CIITA: variants seen among roughly 807,000 people sequenced by gnomAD.
CIITA encodes the protein MHC class II transactivator.
CIITA carries 72 observed loss-of-function variants against 115.1 expected under a neutral mutation model. That is an observed-to-expected ratio of 0.63 (90% confidence interval 0.52 to 0.76). The LOEUF is 0.76. Ranked by LOEUF, CIITA falls within the 30% of genes least tolerant of loss-of-function variation. The pLI is 0.00. For synonymous variants in CIITA, 763 were observed against 635.6 expected, an observed-to-expected ratio of 1.20 and a Z score of -3.02; for missense variants, 1,617 against 1,463.8, an observed-to-expected ratio of 1.10 and a Z score of -1.71.
chr16:10,941,508 T>G lies in CIITA; in HGVS notation n.634T>G. The G allele has an allele frequency of 7.3e-7, 1 of 1,372,650 alleles. No individual in the cohort carries two copies. The highest frequency in any genetic ancestry group is 9.4e-7 in the Non-Finnish European group (1 of 1,058,626). 85.0% of individuals were successfully genotyped at this position (1,372,650 alleles called of 1,614,324 possible). A position where few individuals can be genotyped will look rare whatever the true frequency, so the allele number is the denominator to read the frequency against. On this transcript the variant is annotated non_coding_transcript_exon_variant, in exon 2 of 2. Transcript: ENST00000573379. This position sits in a 1 kb window ranked among gnomAD's most constrained non-coding sequence, Gnocchi z 6.4. ...AGGGGTGTGTATCCGGCCTGGGAATTCCTCCCTCTCCCTTGCTAGCGCCCC... is the reference window on the plus strand; with the variant it reads ...AGGGGTGTGTATCCGGCCTGGGAATGCCTCCCTCTCCCTTGCTAGCGCCCC...
rs1457837968 is a variant in CIITA at position 10,879,646 on chromosome 16, G to T, written c.52+2264G>T. On this transcript the variant is annotated intron_variant, in intron 1 of 19. Coordinates refer to ENST00000324288, the MANE Select transcript of CIITA (RefSeq NM_000246.4). This position sits in a 1 kb window ranked among gnomAD's most constrained non-coding sequence, Gnocchi z 4.3. ...GTGTTGTTGGGAGGGGTGGGGGAGG[G>T]ATCCCCCCGGACTGAACCGATCTCT... Among the ~76,000 whole-genome samples, 1 of 151,718 alleles carries T rather than the reference G, an allele frequency of 6.6e-6. No homozygotes were observed. Among genetic ancestry groups the T allele is most frequent in the African/African-American group, 2.4e-5 (1 of 41,348 alleles).
In CIITA at chr16:10,906,864, C is replaced by A; in HGVS notation, c.1372C>A (p.Arg458Ser). The change falls in exon 11 of 20, where the codon CGT becomes AGT. Residue 458 changes from arginine to serine, a missense_variant. Transcript: ENST00000324288. ...CTCTGTCCCCTGCCATTGCTTGAACCGTCCGGGGGATGCCTATGGCCTGCA... is the reference window on the plus strand; with the variant it reads ...CTCTGTCCCCTGCCATTGCTTGAACAGTCCGGGGGATGCCTATGGCCTGCA... The part of the protein sequence containing the change: ...VFSVPCHCLN[R>S]PGDAYGLQDL... The A allele has an allele frequency of 6.2e-7, 1 of 1,613,510 alleles. No homozygotes were observed. Among genetic ancestry groups the A allele is most frequent in the Non-Finnish European group, 8.5e-7 (1 of 1,180,038 alleles).
chr16:10,875,948 C>A (rs913479846), upstream of CIITA, among the ~76,000 whole-genome samples: 3 of 151,682 alleles, frequency 2.0e-5, no homozygotes, highest in Admixed American at 6.6e-5. Context: ...CCAGCCTGGG[C>A]GAAAGAGCGC....
rs770158073 is a variant in CIITA, at chr16:10,922,162, G to A, written c.3150-5G>A. 4.0e-5 allele frequency: 65 copies of A among 1,613,994 alleles called. No individual in the cohort carries two copies. Among genetic ancestry groups the A allele is most frequent in the African/African-American group, 9.3e-5 (7 of 74,930 alleles). ...ATCCCTCCCCCTGGCCTCTGTTTCC[G>A]ACAGCTTGTACAATAACTGCATCTG... On this transcript the variant is annotated splice_region_variant and splice_polypyrimidine_tract_variant and intron_variant, in intron 16 of 19. Transcript: ENST00000324288.
intron 16 of CIITA, 44 bp downstream of exon 16, chr16:10,918,570 C>G: frequency 6.4e-7 from 1 of 1,561,300 alleles, no homozygotes; most frequent in East Asian, 2.2e-5. Context: ...AGCTGGGGGG[C>G]TGCAGAGCGC....
intron 1 of CIITA, among the ~76,000 whole-genome samples, chr16:10,894,009 G>T (rs1296931278): frequency 6.6e-6 from 1 of 151,442 alleles, no homozygotes; most frequent in Non-Finnish European, 1.5e-5. Flanking sequence ...CCACTAATAT[G>T]CTTTCTTTCT....
intron 1 of CIITA, among the ~76,000 whole-genome samples, chr16:10,880,410 T>C (rs1440642974): frequency 1.3e-5 from 2 of 152,230 alleles, no homozygotes; most frequent in Non-Finnish European, 2.9e-5. Flanking sequence ...GAGGCGCTGA[T>C]GTGGTCTCAT....
At chr16:10,908,453 A>G in intron 11 of CIITA, 1 of 504,308 alleles carries the variant, frequency 2.0e-6, no homozygotes, top group Non-Finnish European at 3.6e-6. Flanking sequence ...TATTCTTTCC[A>G]CCCCCTGAGC....
rs377330491 is a variant in CIITA, at chr16:10,883,632, T to C, written c.52+6250T>C. 2.0e-5 allele frequency among the ~76,000 whole-genome samples: 3 copies of C among 152,282 alleles called. No homozygotes were observed. The East Asian group carries it at 5.8e-4, about 29-fold the overall frequency. Reference sequence around the variant, plus strand: ...CTGTGGTGTCTTTTGTGGGGTCCTGTAGGATTTCCACGTCCCTCTTGGAGG... The same window carrying C: ...CTGTGGTGTCTTTTGTGGGGTCCTGCAGGATTTCCACGTCCCTCTTGGAGG... On this transcript the variant is annotated intron_variant, in intron 1 of 19. Coordinates refer to ENST00000324288, the MANE Select transcript of CIITA (RefSeq NM_000246.4).
At chr16:10,909,286 G>A in intron 12 of CIITA, 99 bp downstream of exon 12, 2 of 1,276,154 alleles carry the variant, frequency 1.6e-6, no homozygotes, top group Non-Finnish European at 1.1e-6. Context: ...AGTGCCCCCT[G>A]TCCTCTGGGA....
In CIITA at chr16:10,909,069, C is replaced by G; in HGVS notation, c.2698C>G (p.Gln900Glu). The change falls in exon 12 of 20, where the codon CAG becomes GAG. Residue 900 changes from glutamine to glutamate, a missense_variant. Physicochemically the swap from Gln to Glu is conservative, Grantham distance 29 (BLOSUM62 2). Transcript: ENST00000324288. ...SDTVALWESL[Q>E]QHGETKLLQA... ...CACGGTGGCGCTGTGGGAGTCCCTGCAGCAGCATGGGGAGACCAAGCTACT... is the reference window on the plus strand; with the variant it reads ...CACGGTGGCGCTGTGGGAGTCCCTGGAGCAGCATGGGGAGACCAAGCTACT... 6.2e-7 allele frequency: 1 copy of G among 1,614,124 alleles called. No individual in the cohort carries two copies. The highest frequency in any genetic ancestry group is 8.5e-7 in the Non-Finnish European group (1 of 1,179,982).
Position 10,928,414 on chromosome 16 carries a change from G to C in CIITA, c.*4559G>C, listed in dbSNP as rs186691211. The C allele has an allele frequency of 1.3e-5, 2 of 152,296 alleles. No individual in the cohort carries two copies. Among genetic ancestry groups the C allele is most frequent in the African/African-American group, 4.8e-5 (2 of 41,436 alleles). The allele number at this position is 152,296 out of a possible 1,614,324, so 9.4% of individuals were successfully genotyped here. On this transcript the variant is annotated 3_prime_UTR_variant, in exon 20 of 20. Coordinates refer to ENST00000324288, the MANE Select transcript of CIITA (RefSeq NM_000246.4). The stretch of plus-strand genomic sequence containing the variant: ...AGCAATTCTCCTGCCTCAGCCTCCC[G>C]AGTAGCTGGGACTATAAGTGTGCGC...
intron 1 of CIITA, among the ~76,000 whole-genome samples, chr16:10,887,452 A>G (rs1248255595): frequency 1.3e-5 from 2 of 151,894 alleles, no homozygotes; most frequent in Admixed American, 1.3e-4. Context: ...ATTCCTCAGG[A>G]GGAGAAGTTC....
In CIITA at chr16:10,917,481, A is replaced by ATTT. The variant is rs36011152; in HGVS notation, c.3063-943_3063-941dup. On this transcript the variant is annotated intron_variant, in intron 15 of 19. Transcript: ENST00000324288. ...GAGTCACTGTGCCTGGTTCAATGGG[A>ATTT]TTTTTTTTTTTTTTTTTTGACACGG... Among the ~76,000 whole-genome samples the ATTT allele has an allele frequency of 4.5e-3, 597 of 132,814 alleles. 8 individuals are homozygous for ATTT. Among genetic ancestry groups the ATTT allele is most frequent in the East Asian group, 0.017 (76 of 4,360 alleles). 87.1% of individuals were successfully genotyped at this position (132,814 alleles called of 152,430 possible).
rs547200985 is a variant in CIITA at position 10,934,494 on chromosome 16, A to AT, written c.*10641dup. 39 of 152,352 alleles carry AT rather than the reference A, an allele frequency of 2.6e-4. No individual in the cohort carries two copies. The highest frequency in any genetic ancestry group is 8.2e-4 in the African/African-American group (34 of 41,556). 9.4% of individuals were successfully genotyped at this position (152,352 alleles called of 1,614,324 possible). ...GAGCTGATCTGATCCGCTGCTGCGT[A>AT]TTCACTACCGCCCTGGGACGCCTCC... On this transcript the variant is annotated 3_prime_UTR_variant, in exon 20 of 20. Coordinates refer to ENST00000324288, the MANE Select transcript of CIITA (RefSeq NM_000246.4). This position sits in a 1 kb window ranked among gnomAD's most constrained non-coding sequence, Gnocchi z 4.2.
At chr16:10,908,823 A>C in intron 11 of CIITA, 1 of 703,160 alleles carries the variant, frequency 1.4e-6, no homozygotes, top group Non-Finnish European at 2.4e-6. Context: ...AGCCGAAGCA[A>C]AAAGGGAAAG....
chr16:10,916,875 A>C (rs745856580), intron 15 of CIITA: 3 of 374,370 alleles, frequency 8.0e-6, no homozygotes, highest in Non-Finnish European at 1.5e-5. Context: ...AGGACCTACT[A>C]TGTGCAGGCA....
Position 10,901,350 on chromosome 16 carries a change from C to T in CIITA, c.437-164C>T, listed in dbSNP as rs148264265. Among the ~76,000 whole-genome samples, 387 of 152,210 alleles carry T rather than the reference C, an allele frequency of 2.5e-3. 3 individuals carry two copies. The highest frequency in any genetic ancestry group is 9.0e-3 in the African/African-American group (374 of 41,518). ...GTTTGAGATGGGGTTTGGGTTCAAG[C>T]CAAGGAGCTGGGGTTGGAATGTTAG... On this transcript the variant is annotated intron_variant, in intron 5 of 19. Transcript: ENST00000324288. This position sits in a 1 kb window ranked among gnomAD's most constrained non-coding sequence, Gnocchi z 6.8.
At chr16:10,912,764 G>T (rs13337344) in intron 13 of CIITA, among the ~76,000 whole-genome samples, 1 of 152,178 alleles carries the variant, frequency 6.6e-6, no homozygotes, top group East Asian at 1.9e-4. Flanking sequence ...GTTCAAGATC[G>T]GAACTGCGCT....
Sources: allele counts gnomAD v4.1 joint callset (sites outside exome capture counted in the v4.1 genomes callset), GRCh38; gene constraint gnomAD v4.1.1; non-coding constraint Gnocchi (gnomAD v3.1); transcripts MANE v1.5; gene names NCBI Gene and HGNC (gene_info 2026-07-23, HGNC 2026-07-21).